PRKN: variants seen among roughly 807,000 people sequenced by gnomAD.
PRKN encodes the protein E3 ubiquitin-protein ligase parkin.
A neutral mutation model predicts 59.5 loss-of-function variants in PRKN; 56 were observed. That is an observed-to-expected ratio of 0.94 (90% CI 0.76 to 1.18). The LOEUF (loss-of-function observed/expected upper bound fraction) is 1.18. PRKN is among the 50% of genes most tolerant of loss of function. PRKN has a pLI of 0.00. For missense variants in PRKN, 657 were observed against 596.4 expected (o/e 1.10, Z -1.06); for synonymous variants, 250 against 222.1 (o/e 1.13, Z -1.12).
intron 6 of PRKN, among the ~76,000 whole-genome samples, chr6:161,877,283 G>T (rs957073399): frequency 1.3e-5 from 2 of 152,038 alleles, no homozygotes; most frequent in African/African-American, 4.8e-5. Context: ...TGCTAGGTGA[G>T]GACAGCCTCA....
At chr6:161,424,536 T>A (rs1788249024) in intron 9 of PRKN, among the ~76,000 whole-genome samples, 1 of 152,022 alleles carries the variant, frequency 6.6e-6, no homozygotes, top group Admixed American at 6.6e-5. Context: ...TGTTTCAGAT[T>A]GTCCTAGAAC....
chr6:162,196,126 A>G (rs1784486043), intron 4 of PRKN, among the ~76,000 whole-genome samples: 1 of 152,210 alleles, frequency 6.6e-6, no homozygotes. Context: ...GATAGTAGCA[A>G]GGGACAGGAC....
chr6:161,619,677 T>C (rs1200974924), intron 7 of PRKN, among the ~76,000 whole-genome samples: 3 of 152,102 alleles, frequency 2.0e-5, no homozygotes, highest in Non-Finnish European at 2.9e-5. Context: ...TTGACTTGAA[T>C]TGGGGTCTCT....
intron 4 of PRKN, among the ~76,000 whole-genome samples, chr6:162,116,626 G>T (rs892615326): frequency 8.5e-5 from 13 of 152,160 alleles, no homozygotes; most frequent in Non-Finnish European, 1.6e-4. Context: ...TGTACTGTGT[G>T]CCTGTCACTA....
At chr6:161,793,947 TA>T (rs1790737762) in intron 6 of PRKN, among the ~76,000 whole-genome samples, 1 of 152,198 alleles carries the variant, frequency 6.6e-6, no homozygotes, top group African/African-American at 2.4e-5. Context: ...TCAATATTGT[TA>T]AATTCAAGAG....
At chr6:162,693,933 G>A (rs975809652) in intron 1 of PRKN, among the ~76,000 whole-genome samples, 1 of 152,106 alleles carries the variant, frequency 6.6e-6, no homozygotes, top group African/African-American at 2.4e-5. Context: ...AGGAATAAAT[G>A]CTGGAGGAAT....
rs34279714 is a variant in PRKN at position 161,352,771 on chromosome 6, A to ATATATATATTTTTT, written c.1286-2561_1286-2560insAAAAAATATATATA. Among the ~76,000 whole-genome samples, 160 of 116,886 alleles carry ATATATATATTTTTT rather than the reference A, an allele frequency of 1.4e-3. No homozygotes were observed. Among genetic ancestry groups the ATATATATATTTTTT allele is most frequent in the South Asian group, 0.013 (51 of 3,984 alleles). 76.7% of individuals were successfully genotyped at this position (116,886 alleles called of 152,430 possible). ...TGTGTGTGTGTATATATATATATAT[A>ATATATATATTTTTT]TTTTATTTTATTTTATTTTATTTTT... On this transcript the variant is annotated intron_variant, in intron 11 of 11. Transcript: ENST00000366898. This position sits in a 1 kb window ranked among gnomAD's most constrained non-coding sequence, Gnocchi z 5.8.
chr6:162,395,247 C>T (rs1186333894), intron 2 of PRKN, among the ~76,000 whole-genome samples: 1 of 152,120 alleles, frequency 6.6e-6, no homozygotes, highest in Non-Finnish European at 1.5e-5. Flanking sequence ...ACAGCAGTAA[C>T]AATATGTGCT....
At chr6:162,181,224 G>A (rs1783791330) in intron 4 of PRKN, among the ~76,000 whole-genome samples, 1 of 152,198 alleles carries the variant, frequency 6.6e-6, no homozygotes, top group African/African-American at 2.4e-5. Context: ...GCTTGCTAGA[G>A]GCAGGACACC....
intron 1 of PRKN, among the ~76,000 whole-genome samples, chr6:162,511,556 T>C (rs1369357366): frequency 3.9e-5 from 6 of 152,156 alleles, no homozygotes; most frequent in Non-Finnish European, 8.8e-5. Flanking sequence ...TAAAAGGGAA[T>C]AGGAAATCAG....
chr6:162,086,971 T>A (rs1365528911), intron 4 of PRKN, among the ~76,000 whole-genome samples: 1 of 152,182 alleles, frequency 6.6e-6, no homozygotes, highest in Non-Finnish European at 1.5e-5. Context: ...AATACAAATA[T>A]GAAAATACAA....
At chr6:162,110,341 A>C (rs1211816840) in intron 4 of PRKN, among the ~76,000 whole-genome samples, 1 of 152,192 alleles carries the variant, frequency 6.6e-6, no homozygotes, top group African/African-American at 2.4e-5. Flanking sequence ...TTATGTCTAA[A>C]TGTAACAGCC....
At chr6:162,667,469 T>C (rs1489730511) in intron 1 of PRKN, among the ~76,000 whole-genome samples, 1 of 152,100 alleles carries the variant, frequency 6.6e-6, no homozygotes. Flanking sequence ...CAAATTTTTT[T>C]CTATCACTTT....
intron 1 of PRKN, among the ~76,000 whole-genome samples, chr6:162,484,803 T>A (rs1792469413): frequency 6.6e-6 from 1 of 152,230 alleles, no homozygotes; most frequent in Admixed American, 6.5e-5. Flanking sequence ...GGCATTTTGT[T>A]CCTTATTATT....
intron 6 of PRKN, among the ~76,000 whole-genome samples, chr6:161,900,912 G>GTATA (rs59141220): frequency 8.2e-5 from 8 of 97,824 alleles, no homozygotes; most frequent in Non-Finnish European, 2.1e-4. Flanking sequence ...ATGTTAAATT[G>GTATA]TATATATATA....
intron 1 of PRKN, among the ~76,000 whole-genome samples, chr6:162,668,491 G>C (rs1394159724): frequency 2.6e-5 from 4 of 152,182 alleles, no homozygotes; most frequent in Non-Finnish European, 5.9e-5. Context: ...GAATGCCAGA[G>C]ACGGGGAAAA....
intron 7 of PRKN, among the ~76,000 whole-genome samples, chr6:161,633,157 T>A (rs1299336534): frequency 6.6e-6 from 1 of 152,204 alleles, no homozygotes; most frequent in Non-Finnish European, 1.5e-5. Flanking sequence ...AAAAAATGCA[T>A]GTGTATTTGT....
chr6:162,415,285 T>C (rs1788572166), intron 2 of PRKN, among the ~76,000 whole-genome samples: 1 of 152,114 alleles, frequency 6.6e-6, no homozygotes, highest in Non-Finnish European at 1.5e-5. Context: ...CCACTTTGTT[T>C]AAATGTGTTC....
intron 4 of PRKN, among the ~76,000 whole-genome samples, chr6:162,086,126 A>C (rs529906239): frequency 2.5e-4 from 38 of 152,298 alleles, no homozygotes; most frequent in South Asian, 1.2e-3. Context: ...TCTTTTAATA[A>C]AAATTATACT....
Sources: allele counts gnomAD v4.1 joint callset (sites outside exome capture counted in the v4.1 genomes callset), GRCh38; gene constraint gnomAD v4.1.1; non-coding constraint Gnocchi (gnomAD v3.1); transcripts MANE v1.5; gene names NCBI Gene and HGNC (gene_info 2026-07-23, HGNC 2026-07-21).